PAX7: variants seen among roughly 807,000 people sequenced by gnomAD.
PAX7 encodes paired box protein Pax-7.
PAX7 carries 18 observed loss-of-function variants against 50.7 expected under a neutral mutation model. That is an observed-to-expected ratio of 0.36 (90% confidence interval 0.25 to 0.53). The LOEUF (loss-of-function observed/expected upper bound fraction) is 0.53. PAX7 is among the 20% of genes least tolerant of loss of function. The pLI, the probability that PAX7 is intolerant of heterozygous loss-of-function variation, is 0.93. For missense variants in PAX7, 644 were observed against 702.9 expected (o/e 0.92, Z 0.95); for synonymous variants, 310 against 290.4 (o/e 1.07, Z -0.69).
chr1:18,702,990 A>C, intron 6 of PAX7, 104 bp from the exon 7 acceptor site: 1 of 1,050,622 alleles, frequency 9.5e-7, no homozygotes, highest in Non-Finnish European at 1.4e-6. Flanking sequence ...CCTCCAAGGA[A>C]TGGAGACCGG....
chr1:18,706,904 T>C (rs78118846), intron 7 of PAX7, among the ~76,000 whole-genome samples: 9,588 of 151,984 alleles, frequency 0.063, 998 homozygotes, highest in African/African-American at 0.21. Flanking sequence ...AGCTTGCTAC[T>C]ACCGTGGGGA....
intron 7 of PAX7, among the ~76,000 whole-genome samples, chr1:18,724,983 G>A (rs1469848549): frequency 2.0e-5 from 3 of 152,226 alleles, no homozygotes; most frequent in African/African-American, 7.2e-5. Flanking sequence ...GGGGCTGGCA[G>A]TCCGCCTGCA....
rs1230573538 is a variant in PAX7 at position 18,744,941 on chromosome 1, C to A, written c.*12C>A. 2.1e-6 allele frequency: 3 copies of A among 1,452,606 alleles called. No individual in the cohort carries two copies. Among genetic ancestry groups the A allele is most frequent in the Non-Finnish European group, 2.8e-6 (3 of 1,056,728 alleles). 90.0% of individuals were successfully genotyped at this position (1,452,606 alleles called of 1,614,324 possible). On this transcript the variant is annotated 3_prime_UTR_variant, in exon 9 of 9. Coordinates refer to ENST00000420770, the MANE Select transcript of PAX7 (RefSeq NM_001135254.2). ...GCCAGGCCTACTAGGGCCCCTGGGG[C>A]GACTTGCCCCAGCCCAATTCCCAGC...
Position 18,635,157 on chromosome 1 carries a change from G to C in PAX7, c.368G>C (p.Arg123Thr). The C allele has an allele frequency of 6.2e-7, 1 of 1,614,072 alleles. No homozygotes were observed. The highest frequency in any genetic ancestry group is 8.5e-7 in the Non-Finnish European group (1 of 1,179,982). Residue 123 changes from arginine to threonine, a missense_variant, in exon 3 of 9, where the codon AGG becomes ACG. Coordinates refer to ENST00000420770, the MANE Select transcript of PAX7 (RefSeq NM_001135254.2). ...DVEKKIEEYK[R>T]ENPGMFSWEI... Reference sequence around the variant, plus strand: ...GAGAAAAAGATTGAGGAGTACAAGAGGGAAAACCCAGGCATGTTCAGCTGG... The same window carrying C: ...GAGAAAAAGATTGAGGAGTACAAGACGGAAAACCCAGGCATGTTCAGCTGG...
intron 4 of PAX7, among the ~76,000 whole-genome samples, chr1:18,661,020 C>T (rs1319707200): frequency 6.6e-6 from 1 of 152,116 alleles, no homozygotes; most frequent in African/African-American, 2.4e-5. Context: ...AAAAAGCACA[C>T]ACGCATGCTA....
rs544592305 is a variant in PAX7, at chr1:18,733,515, A to T, written c.1156-2117A>T. The stretch of plus-strand genomic sequence containing the variant: ...TCTCCCCAGCTGTGTGGAGATGAAG[A>T]CTAGCCAGTTGACGGTCTCAGCTGG... On this transcript the variant is annotated intron_variant, in intron 7 of 8. Transcript: ENST00000420770. Among the ~76,000 whole-genome samples the T allele has an allele frequency of 6.6e-5, 10 of 152,224 alleles. No homozygotes were observed. In the South Asian group the frequency reaches 2.1e-3, roughly 32 times the overall value.
intron 4 of PAX7, among the ~76,000 whole-genome samples, chr1:18,671,214 A>G (rs1020893140): frequency 5.3e-5 from 8 of 152,188 alleles, no homozygotes; most frequent in African/African-American, 1.9e-4. Flanking sequence ...TCTGGGCACA[A>G]GGTAGGCAAA....
intron 4 of PAX7, among the ~76,000 whole-genome samples, chr1:18,672,023 A>G (rs1466640927): frequency 6.6e-6 from 1 of 152,150 alleles, no homozygotes; most frequent in African/African-American, 2.4e-5. Context: ...TAGGAATAAT[A>G]AAGTTCCTGT....
intron 4 of PAX7, among the ~76,000 whole-genome samples, chr1:18,667,023 T>C (rs1261320975): frequency 6.6e-6 from 1 of 152,110 alleles, no homozygotes; most frequent in Non-Finnish European, 1.5e-5. Context: ...AGCTTCTCCA[T>C]AGCAGCTGGT....
rs2743211 is a variant in PAX7 at position 18,688,119 on chromosome 1, C to T, written c.587-3635C>T. Among the ~76,000 whole-genome samples the T allele has an allele frequency of 5.8e-3, 890 of 152,214 alleles. 7 individuals are homozygous for T. Among genetic ancestry groups the T allele is most frequent in the African/African-American group, 0.019 (791 of 41,528 alleles). The stretch of plus-strand genomic sequence containing the variant: ...TTTTGGTCACAACTCTATATCTTGT[C>T]CTATTATTTCCTTAATATTTTACTA... On this transcript the variant is annotated intron_variant, in intron 4 of 8. Coordinates refer to ENST00000420770, the MANE Select transcript of PAX7 (RefSeq NM_001135254.2).
rs2089567684 is a variant in PAX7 at position 18,726,115 on chromosome 1, A to G, written c.1156-9517A>G. ...CTCCGCCCCCACCTCACCTCTAGACATCTTATAAAACAGACATTGGAAGAG... is the reference window on the plus strand; with the variant it reads ...CTCCGCCCCCACCTCACCTCTAGACGTCTTATAAAACAGACATTGGAAGAG... On this transcript the variant is annotated intron_variant, in intron 7 of 8. Coordinates refer to ENST00000420770, the MANE Select transcript of PAX7 (RefSeq NM_001135254.2). This position sits in a 1 kb window ranked among gnomAD's most constrained non-coding sequence, Gnocchi z 4.8. Among the ~76,000 whole-genome samples, 1 of 148,776 alleles carries G rather than the reference A, an allele frequency of 6.7e-6. No individual in the cohort carries two copies. Among genetic ancestry groups the G allele is most frequent in the African/African-American group, 2.5e-5 (1 of 39,596 alleles).
At chr1:18,705,650 G>T (rs1474674960) in intron 7 of PAX7, among the ~76,000 whole-genome samples, 2 of 152,184 alleles carry the variant, frequency 1.3e-5, no homozygotes, top group African/African-American at 4.8e-5. Flanking sequence ...CAGAGTGTGG[G>T]TCGGGGATGG....
At chr1:18,743,107 C>T (rs1038281620) in intron 8 of PAX7, among the ~76,000 whole-genome samples, 3 of 152,202 alleles carry the variant, frequency 2.0e-5, no homozygotes, top group African/African-American at 7.2e-5. Flanking sequence ...TCCAAACCAA[C>T]ATCTCTCAAG....
chr1:18,732,917 C>A (rs1395307269), intron 7 of PAX7, among the ~76,000 whole-genome samples: 1 of 152,152 alleles, frequency 6.6e-6, no homozygotes. Context: ...AGCTGACAAA[C>A]CCTCCCAGTA....
Position 18,691,273 on chromosome 1 carries a change from A to G in PAX7, c.587-481A>G, listed in dbSNP as rs967740053. Among the ~76,000 whole-genome samples the G allele has an allele frequency of 1.8e-4, 28 of 152,244 alleles. No homozygotes were observed. In the East Asian group the frequency reaches 2.3e-3, roughly 13 times the overall value. On this transcript the variant is annotated intron_variant, in intron 4 of 8. Transcript: ENST00000420770. ...GGATTACAGGCATGAGCCACCATAC[A>G]TGGAGGCCTTTTTCTTAAAGTCAGG...
chr1:18,689,167 C>T (rs543631067), intron 4 of PAX7, among the ~76,000 whole-genome samples: 125 of 152,226 alleles, frequency 8.2e-4, no homozygotes, highest in Non-Finnish European at 1.5e-3. Flanking sequence ...TCCCCATCCA[C>T]GGGCTGGCCT....
rs763966269 is a variant in PAX7, at chr1:18,634,367, C to A, written c.150C>A (p.Pro50=). The change falls in exon 2 of 9, where the codon CCC becomes CCA. Residue 50 remains proline, a synonymous_variant. Transcript: ENST00000420770. The surrounding 1 kb of genome is among the most constrained non-coding windows in gnomAD (Gnocchi z 4.0). ...QLGGVFINGR[P]LPNHIRHKIV... ...GAGGGGTCTTCATCAATGGGCGACCCCTGCCTAACCACATCCGCCACAAGA... is the reference window on the plus strand; with the variant it reads ...GAGGGGTCTTCATCAATGGGCGACCACTGCCTAACCACATCCGCCACAAGA... 2 of 1,614,074 alleles carry A rather than the reference C, an allele frequency of 1.2e-6. No individual in the cohort carries two copies. Among genetic ancestry groups the A allele is most frequent in the Admixed American group, 1.7e-5 (1 of 60,032 alleles).
chr1:18,659,631 T>C (rs1251421028), intron 4 of PAX7, among the ~76,000 whole-genome samples: 2 of 152,116 alleles, frequency 1.3e-5, no homozygotes, highest in Non-Finnish European at 2.9e-5. Flanking sequence ...GAAAGGACCT[T>C]AGGCAAGTAG....
intron 7 of PAX7, among the ~76,000 whole-genome samples, chr1:18,721,185 C>A (rs1277344135): frequency 6.6e-6 from 1 of 152,136 alleles, no homozygotes; most frequent in Non-Finnish European, 1.5e-5. Context: ...GGGCCTGAAC[C>A]CCAGATGCCC....
Sources: allele counts gnomAD v4.1 joint callset (sites outside exome capture counted in the v4.1 genomes callset), GRCh38; gene constraint gnomAD v4.1.1; non-coding constraint Gnocchi (gnomAD v3.1); transcripts MANE v1.5; gene names NCBI Gene and HGNC (gene_info 2026-07-23, HGNC 2026-07-21).